ORC1: variants seen among roughly 807,000 people sequenced by gnomAD.
ORC1 encodes origin recognition complex subunit 1.
In ORC1, 61 loss-of-function variants were observed where a neutral mutation model predicts 98.9. That is an observed-to-expected ratio of 0.62 (90% CI 0.50 to 0.76). ORC1 has a LOEUF of 0.76. Among genes scored for constraint, ORC1 ranks in the 30% least tolerant of loss-of-function variants. The probability of loss-of-function intolerance (pLI) is 0.00; values close to 1 mark genes in which losing one functional copy is unlikely to be tolerated. For missense variants in ORC1, 979 were observed against 1,072.2 expected (o/e 0.91, Z 1.21); for synonymous variants, 385 against 406.9 (o/e 0.95, Z 0.65).
chr1:52,397,796 G>A lies in ORC1; in HGVS notation c.291C>T (p.Ala97=). The stretch of plus-strand genomic sequence containing the variant: ...TCCGGCCCAACAAATGCCGTTTACA[G>A]GCAGGGACTTCACAGAATCGGACAA... ...QWFVRFCEVP[A]CKRHLLGRKP... Residue 97 remains alanine, a synonymous_variant, in exon 4 of 17, where the codon GCC becomes GCT. Transcript: ENST00000371568. 6.2e-7 allele frequency: 1 copy of A among 1,614,206 alleles called. No homozygotes were observed. The highest frequency in any genetic ancestry group is 8.5e-7 in the Non-Finnish European group (1 of 1,180,034).
Position 52,397,677 on chromosome 1 carries a change from T to A in ORC1, c.402+8A>T, listed in dbSNP as rs1647476196. On this transcript the variant is annotated splice_region_variant and intron_variant, in intron 4 of 16. Coordinates refer to ENST00000371568, the MANE Select transcript of ORC1 (RefSeq NM_004153.4). ...CAAGGTAGAACCAAGGATGGTGGCA[T>A]CACCTACCCGAACAAGGCCAATGAT... 1 of 1,613,904 alleles carries A rather than the reference T, an allele frequency of 6.2e-7. No individual in the cohort carries two copies. Among genetic ancestry groups the A allele is most frequent in the Non-Finnish European group, 8.5e-7 (1 of 1,179,836 alleles).
intron 14 of ORC1, among the ~76,000 whole-genome samples, chr1:52,378,613 A>G (rs1466283941): frequency 2.0e-5 from 3 of 148,104 alleles, no homozygotes; most frequent in Middle Eastern, 4.1e-3. Flanking sequence ...GCAGTGAGCC[A>G]AGATTGTGCT....
chr1:52,375,538 ATC>A lies in ORC1; in HGVS notation c.2193_2194del (p.Glu731AspfsTer3), dbSNP rs1162770123. On this transcript the variant is annotated frameshift_variant, in exon 15 of 17. Transcript: ENST00000371568. LOFTEE classifies it high-confidence loss of function. The stretch of plus-strand genomic sequence containing the variant: ...AGGCTTCTGCTGGGAGAACTCACAG[ATC>A]TCTGTGGCACGCCTGCAGATGTCCA... 4.3e-6 allele frequency: 7 copies of A among 1,614,002 alleles called. No homozygotes were observed. The highest frequency in any genetic ancestry group is 5.9e-6 in the Non-Finnish European group (7 of 1,180,030).
intron 8 of ORC1, among the ~76,000 whole-genome samples, chr1:52,388,077 T>C (rs1647166547): frequency 1.3e-5 from 2 of 152,128 alleles, no homozygotes; most frequent in Admixed American, 1.3e-4. Flanking sequence ...GTGTATCAAG[T>C]GGGACAACAA....
intron 3 of ORC1, among the ~76,000 whole-genome samples, chr1:52,399,080 G>A (rs1461203840): frequency 6.6e-6 from 1 of 152,108 alleles, no homozygotes; most frequent in African/African-American, 2.4e-5. Context: ...AGCCGGCAAA[G>A]GAATGACAAA....
upstream of ORC1, among the ~76,000 whole-genome samples, chr1:52,406,463 A>G (rs1203674689): frequency 6.6e-6 from 1 of 152,210 alleles, no homozygotes; most frequent in Non-Finnish European, 1.5e-5. Flanking sequence ...ATCAAACAAC[A>G]AAAGGTGGTG....
chr1:52,407,265 C>T (rs984902855), upstream of ORC1, among the ~76,000 whole-genome samples: 2 of 152,232 alleles, frequency 1.3e-5, no homozygotes, highest in African/African-American at 2.4e-5. Flanking sequence ...GACCCACCTG[C>T]CTCGCCTCCC....
chr1:52,377,703 C>CAAAAAAAA (rs58266239), intron 14 of ORC1, among the ~76,000 whole-genome samples: 654 of 57,582 alleles, frequency 0.011, no homozygotes, highest in Middle Eastern at 0.024. Context: ...CCCCTAGAAG[C>CAAAAAAAA]AAAAAAAAAA....
At chr1:52,373,820 C>T (rs1646963959) in intron 16 of ORC1, among the ~76,000 whole-genome samples, 1 of 152,088 alleles carries the variant, frequency 6.6e-6, no homozygotes, top group Non-Finnish European at 1.5e-5. Context: ...TTATCAGGTA[C>T]AGTGAGCAAA....
chr1:52,393,840 TAAC>T, intron 5 of ORC1, 37 bp from the exon 6 acceptor site: 1 of 1,604,066 alleles, frequency 6.2e-7, no homozygotes, highest in South Asian at 1.1e-5. Flanking sequence ...ATTTTTTACC[TAAC>T]AATATACAAA....
chr1:52,408,704 T>C (rs368218185), upstream of ORC1: 8 of 1,611,908 alleles, frequency 5.0e-6, no homozygotes, highest in African/African-American at 1.1e-4. Context: ...AGTATGGTGC[T>C]AAGTCTCCTG....
chr1:52,395,934 C>T, intron 5 of ORC1, 112 bp downstream of exon 5: 1 of 1,532,016 alleles, frequency 6.5e-7, no homozygotes, highest in South Asian at 1.2e-5. Context: ...ACTTGAGTTC[C>T]AGGCTATAGT....
At chr1:52,382,681 G>A (rs1647088262) in intron 13 of ORC1, among the ~76,000 whole-genome samples, 1 of 149,388 alleles carries the variant, frequency 6.7e-6, no homozygotes, top group South Asian at 2.1e-4. Flanking sequence ...CCGGGTTCAA[G>A]AGATTCTCCT....
At chr1:52,381,927 C>T (rs1647075882) in intron 13 of ORC1, among the ~76,000 whole-genome samples, 166 bp from the exon 14 acceptor site, 1 of 152,172 alleles carries the variant, frequency 6.6e-6, no homozygotes, top group Admixed American at 6.5e-5. Flanking sequence ...CCAGTGGTGT[C>T]CTGTAGGGCA....
chr1:52,407,964 G>A (rs1017694619), upstream of ORC1, among the ~76,000 whole-genome samples: 1 of 152,278 alleles, frequency 6.6e-6, no homozygotes, highest in African/African-American at 2.4e-5. Flanking sequence ...GCTGAGGCAG[G>A]AGAATCGCTT....
upstream of ORC1, among the ~76,000 whole-genome samples, chr1:52,407,317 G>A (rs923116368): frequency 6.6e-6 from 1 of 152,166 alleles, no homozygotes; most frequent in African/African-American, 2.4e-5. Context: ...CCCCTGGCTG[G>A]AACGACTCTA....
At chr1:52,389,465 A>G (rs958282528) in intron 6 of ORC1, 144 bp from the exon 7 acceptor site, 1 of 674,652 alleles carries the variant, frequency 1.5e-6, no homozygotes, top group Middle Eastern at 4.0e-4. Flanking sequence ...TTTCTGCTAA[A>G]AAGTTGGCAA....
At chr1:52,375,766 T>C (rs1646988288) in intron 14 of ORC1, among the ~76,000 whole-genome samples, 167 bp from the exon 15 acceptor site, 1 of 152,206 alleles carries the variant, frequency 6.6e-6, no homozygotes, top group Non-Finnish European at 1.5e-5. Flanking sequence ...GGGACTCTAA[T>C]CCTCTAGTCC....
intron 14 of ORC1, among the ~76,000 whole-genome samples, chr1:52,378,734 T>C (rs1205130853): frequency 1.3e-5 from 2 of 151,548 alleles, no homozygotes; most frequent in African/African-American, 2.4e-5. Context: ...GATTTAAAAA[T>C]ATAATTTTGC....
Sources: gnomAD v4.1 joint callset for allele counts (sites outside exome capture counted in the v4.1 genomes callset) on GRCh38, gnomAD v4.1.1 for gene constraint, MANE v1.5 for transcripts, NCBI Gene and HGNC (gene_info 2026-07-23, HGNC 2026-07-21) for gene names.